SLC24A4: variants seen among roughly 807,000 people sequenced by gnomAD.
The protein encoded by SLC24A4 is solute carrier family 24 member 4.
In SLC24A4, 53 loss-of-function variants were observed where a neutral mutation model predicts 79.0. The observed-to-expected ratio is 0.67, with a 90% confidence interval of 0.54 to 0.84. SLC24A4 has a LOEUF of 0.84. Among genes scored for constraint, SLC24A4 ranks in the 40% least tolerant of loss-of-function variants. The probability of loss-of-function intolerance (pLI) is 0.00; values close to 1 mark genes in which losing one functional copy is unlikely to be tolerated. For synonymous variants in SLC24A4, 323 were observed against 323.8 expected (o/e 1.00, Z 0.03); for missense variants, 731 against 822.0 (o/e 0.89, Z 1.35).
chr14:92,428,193 T>G (rs1247043020), intron 2 of SLC24A4, among the ~76,000 whole-genome samples: 1 of 152,216 alleles, frequency 6.6e-6, no homozygotes, highest in Non-Finnish European at 1.5e-5. Context: ...GGGACATGAT[T>G]GCCAGGAGAG....
In SLC24A4 at chr14:92,495,068, T is replaced by A. The variant is rs760670961; in HGVS notation, c.*1440T>A. On this transcript the variant is annotated 3_prime_UTR_variant, in exon 17 of 17. Coordinates refer to ENST00000532405, the MANE Select transcript of SLC24A4 (RefSeq NM_153646.4). ...TTGAGATATTTTGCACGGATGAATG[T>A]ATGGGAACTACCCATGATGATGTAA... The A allele has an allele frequency of 6.6e-6, 1 of 152,658 alleles. No homozygotes were observed. The highest frequency in any genetic ancestry group is 6.5e-5 in the Admixed American group (1 of 15,284). 9.5% of individuals were successfully genotyped at this position (152,658 alleles called of 1,614,324 possible). A position where few individuals can be genotyped will look rare whatever the true frequency, so the allele number is the denominator to read the frequency against.
In SLC24A4 at chr14:92,496,517, A is replaced by G. The variant is rs928501407; in HGVS notation, c.*2889A>G. 1 of 152,054 alleles carries G rather than the reference A, an allele frequency of 6.6e-6. No individual in the cohort carries two copies. The highest frequency in any genetic ancestry group is 2.4e-5 in the African/African-American group (1 of 41,392). The allele number at this position is 152,054 out of a possible 1,614,324, so 9.4% of individuals were successfully genotyped here. A position where few individuals can be genotyped will look rare whatever the true frequency, so the allele number is the denominator to read the frequency against. On this transcript the variant is annotated 3_prime_UTR_variant, in exon 17 of 17. Coordinates refer to ENST00000532405, the MANE Select transcript of SLC24A4 (RefSeq NM_153646.4). ...CATTGCACTCAGATGGAAAATGCCT[A>G]TAGACACAGGAGCAGGTGGTTCCTG...
At chr14:92,336,072 C>T (rs1166041832) in intron 2 of SLC24A4, among the ~76,000 whole-genome samples, 1 of 152,150 alleles carries the variant, frequency 6.6e-6, no homozygotes, top group Non-Finnish European at 1.5e-5. Flanking sequence ...TCTGCTACCC[C>T]CAACTTGTAG....
chr14:92,384,216 A>T (rs1340746252), intron 2 of SLC24A4, among the ~76,000 whole-genome samples: 1 of 152,178 alleles, frequency 6.6e-6, no homozygotes, highest in African/African-American at 2.4e-5. Context: ...AATTATCAGC[A>T]TAAGAAAGGA....
chr14:92,432,186 G>T (rs1891912410), intron 2 of SLC24A4, among the ~76,000 whole-genome samples: 1 of 152,130 alleles, frequency 6.6e-6, no homozygotes, highest in African/African-American at 2.4e-5. Context: ...AGCCCTCCAG[G>T]ATACACATGG....
chr14:92,471,645 G>A (rs995342275), intron 12 of SLC24A4, among the ~76,000 whole-genome samples: 3 of 152,112 alleles, frequency 2.0e-5, no homozygotes, highest in Non-Finnish European at 4.4e-5. Flanking sequence ...ACCTAGAATA[G>A]TTCCTAGCAT....
At chr14:92,477,040 T>C (rs1157768436) in intron 12 of SLC24A4, among the ~76,000 whole-genome samples, 1 of 152,246 alleles carries the variant, frequency 6.6e-6, no homozygotes, top group Non-Finnish European at 1.5e-5. Context: ...TATGGACATA[T>C]ATTTTTATTC....
chr14:92,431,357 T>A, intron 2 of SLC24A4, among the ~76,000 whole-genome samples: 1 of 152,038 alleles, frequency 6.6e-6, no homozygotes, highest in Non-Finnish European at 1.5e-5. Flanking sequence ...GTCCCACAGG[T>A]CATTAGGAGC....
At chr14:92,391,125 G>A (rs1055570728) in intron 2 of SLC24A4, among the ~76,000 whole-genome samples, 1 of 152,180 alleles carries the variant, frequency 6.6e-6, no homozygotes, top group Non-Finnish European at 1.5e-5. Context: ...CTACATGCAA[G>A]GGGGCCTGGG....
Position 92,449,102 on chromosome 14 carries a change from A to AAGATG in SLC24A4, c.766_767insAGATG (p.Thr256LysfsTer41). ...CAATGTGAAGATGCAAGCCTTTTTC[A>AAGATG]CAGTCAAACAAAAGAGCATTGCAAA... On this transcript the variant is annotated frameshift_variant, in exon 10 of 17. Transcript: ENST00000532405. LOFTEE classifies it high-confidence loss of function. The AAGATG allele has an allele frequency of 1.2e-6, 2 of 1,614,114 alleles. No individual in the cohort carries two copies. The highest frequency in any genetic ancestry group is 8.5e-7 in the Non-Finnish European group (1 of 1,180,012).
In SLC24A4 at chr14:92,491,788, C is replaced by T. The variant is rs759868137; in HGVS notation, c.1650+11C>T. 10 of 1,593,272 alleles carry T rather than the reference C, an allele frequency of 6.3e-6. No homozygotes were observed. Among genetic ancestry groups the T allele is most frequent in the Non-Finnish European group, 1.7e-6 (2 of 1,161,056 alleles). Reference sequence around the variant, plus strand: ...AATTATGGATCAACAGTAAGTTCCTCTCACCTTTAACAGATGTGTTTTACC... The same window carrying T: ...AATTATGGATCAACAGTAAGTTCCTTTCACCTTTAACAGATGTGTTTTACC... On this transcript the variant is annotated intron_variant, in intron 15 of 16. Coordinates refer to ENST00000532405, the MANE Select transcript of SLC24A4 (RefSeq NM_153646.4).
At chr14:92,455,932 C>T (rs1021284634) in intron 11 of SLC24A4, among the ~76,000 whole-genome samples, 4 of 152,162 alleles carry the variant, frequency 2.6e-5, no homozygotes, top group African/African-American at 4.8e-5. Flanking sequence ...AACTCCTGAC[C>T]TCAAGTGATC....
chr14:92,332,094 C>T (rs1467013585), intron 2 of SLC24A4, among the ~76,000 whole-genome samples: 1 of 151,984 alleles, frequency 6.6e-6, no homozygotes, highest in Admixed American at 6.6e-5. Flanking sequence ...GCCTGGCCAA[C>T]ATGCTGAAAC....
At chr14:92,460,924 C>T (rs1893763104) in intron 12 of SLC24A4, among the ~76,000 whole-genome samples, 1 of 152,136 alleles carries the variant, frequency 6.6e-6, no homozygotes, top group African/African-American at 2.4e-5. Context: ...GGTGGACACC[C>T]AATACAGGCA....
intron 2 of SLC24A4, among the ~76,000 whole-genome samples, chr14:92,374,059 T>G (rs1888358818): frequency 6.6e-6 from 1 of 152,250 alleles, no homozygotes. Flanking sequence ...ATACTATTAT[T>G]GCACCCGTTT....
chr14:92,439,779 G>A (rs1215324758), intron 4 of SLC24A4, among the ~76,000 whole-genome samples: 2 of 152,218 alleles, frequency 1.3e-5, no homozygotes, highest in African/African-American at 2.4e-5. Context: ...GTGACAGGTG[G>A]GCCCACCCCC....
chr14:92,455,161 C>T (rs1018286195), intron 11 of SLC24A4, among the ~76,000 whole-genome samples: 3 of 152,190 alleles, frequency 2.0e-5, no homozygotes, highest in African/African-American at 7.2e-5. Flanking sequence ...GCTGGAGAAG[C>T]CGGGTCCAGA....
chr14:92,344,774 GA>G (rs1224898131), intron 2 of SLC24A4, among the ~76,000 whole-genome samples: 2 of 152,154 alleles, frequency 1.3e-5, no homozygotes, highest in East Asian at 3.9e-4. Flanking sequence ...GAGTGAGGGA[GA>G]GGGGCCACTT....
In SLC24A4 at chr14:92,443,388, C is replaced by T; in HGVS notation, c.583-12C>T. ...GCGCTCATAGCAGCCAACGACGGGGCTCTGCTGGCAGGTGGTCCGTCTGAC... is the reference window on the plus strand; with the variant it reads ...GCGCTCATAGCAGCCAACGACGGGGTTCTGCTGGCAGGTGGTCCGTCTGAC... On this transcript the variant is annotated splice_polypyrimidine_tract_variant and intron_variant, in intron 6 of 16. Transcript: ENST00000532405. 1.2e-6 allele frequency: 2 copies of T among 1,614,084 alleles called. No homozygotes were observed. Among genetic ancestry groups the T allele is most frequent in the South Asian group, 1.1e-5 (1 of 91,076 alleles).
Sources: allele counts gnomAD v4.1 joint callset (sites outside exome capture counted in the v4.1 genomes callset), GRCh38; gene constraint gnomAD v4.1.1; transcripts MANE v1.5; gene names NCBI Gene and HGNC (gene_info 2026-07-23, HGNC 2026-07-21).